The following MYL1 variants were observed in gnomAD, a reference collection of about 807,000 sequenced individuals.
The protein encoded by MYL1 is myosin light chain 1, also known as myosin light chain 1/3, skeletal muscle isoform.
Under a neutral mutation model 21.8 loss-of-function variants are expected in MYL1, and 16 were observed. That is an observed-to-expected ratio of 0.74 (90% CI 0.50 to 1.12). The LOEUF (loss-of-function observed/expected upper bound fraction) is 1.12. Among genes scored for constraint, MYL1 ranks in the 50% most tolerant of loss-of-function variants. The pLI, the probability that MYL1 is intolerant of heterozygous loss-of-function variation, is 0.00. For missense variants in MYL1, 246 were observed against 241.0 expected (o/e 1.02, Z -0.14); for synonymous variants, 99 against 85.2 (o/e 1.16, Z -0.89).
At chr2:210,296,043 G>GA (rs1434238668) in intron 3 of MYL1, among the ~76,000 whole-genome samples, 3 of 152,114 alleles carry the variant, frequency 2.0e-5, no homozygotes, top group Non-Finnish European at 4.4e-5. Flanking sequence ...TCAAGGGAAA[G>GA]AAAAAGATTA....
intron 1 of MYL1, among the ~76,000 whole-genome samples, chr2:210,308,293 A>G (rs1690367895): frequency 6.6e-6 from 1 of 151,290 alleles, no homozygotes; most frequent in African/African-American, 2.4e-5. Flanking sequence ...AGGCCAGGAA[A>G]AGCACTATTT....
chr2:210,310,356 A>G (rs986233860), intron 1 of MYL1, among the ~76,000 whole-genome samples: 5 of 152,046 alleles, frequency 3.3e-5, no homozygotes, highest in Non-Finnish European at 7.4e-5. Flanking sequence ...TCTGCATACC[A>G]TCCCAAAGAA....
chr2:210,306,109 G>C (rs1478376069), intron 1 of MYL1, among the ~76,000 whole-genome samples: 1 of 151,558 alleles, frequency 6.6e-6, no homozygotes, highest in Non-Finnish European at 1.5e-5. Flanking sequence ...TGCCAGGTGT[G>C]GTGGCTCATG....
At chr2:210,303,511 A>G in intron 1 of MYL1, 1 of 1,600,204 alleles carries the variant, frequency 6.2e-7, no homozygotes, top group Non-Finnish European at 8.5e-7. Context: ...TTTCTCCTAT[A>G]AATGACAAAT....
intron 1 of MYL1, among the ~76,000 whole-genome samples, chr2:210,303,177 A>G (rs1690290351): frequency 6.6e-6 from 1 of 152,214 alleles, no homozygotes; most frequent in South Asian, 2.1e-4. Flanking sequence ...CCAATGCATC[A>G]AAAGCAGTTT....
At chr2:210,294,131 T>G in intron 4 of MYL1, 114 bp downstream of exon 4, 2 of 1,131,238 alleles carry the variant, frequency 1.8e-6, no homozygotes, top group Non-Finnish European at 2.4e-6. Flanking sequence ...CTATTTTTTT[T>G]TCCCATTTTC....
At chr2:210,311,845 C>T (rs1413402133) in intron 1 of MYL1, among the ~76,000 whole-genome samples, 1 of 151,906 alleles carries the variant, frequency 6.6e-6, no homozygotes, top group Non-Finnish European at 1.5e-5. Flanking sequence ...GCAAAGAGTG[C>T]TTAGAACCAC....
At chr2:210,308,410 ATAT>A (rs1241597802) in intron 1 of MYL1, among the ~76,000 whole-genome samples, 4 of 48,318 alleles carry the variant, frequency 8.3e-5, no homozygotes, top group African/African-American at 2.1e-4. Flanking sequence ...ATATATATAT[ATAT>A]ATATATATAT....
In MYL1 at chr2:210,308,592, G is replaced by A. The variant is rs150458036; in HGVS notation, c.133-6077C>T. 3.5e-3 allele frequency among the ~76,000 whole-genome samples: 522 copies of A among 151,270 alleles called. 7 individuals carry two copies. The Middle Eastern group carries it at 0.051, about 15-fold the overall frequency. ...AAAATCCTTAATTTTGTGCTATGAA[G>A]TCCTAGATCAGTCAACTGAATTCAG... On this transcript the variant is annotated intron_variant, in intron 1 of 6. Transcript: ENST00000352451.
chr2:210,303,478 A>G lies in MYL1; in HGVS notation c.133-963T>C, dbSNP rs13025700. 0.092 allele frequency: 138,901 copies of G among 1,501,884 alleles called. 7,273 individuals are homozygous for G. The highest frequency in any genetic ancestry group is 0.12 in the Middle Eastern group (621 of 5,330). 93.0% of individuals were successfully genotyped at this position (1,501,884 alleles called of 1,614,324 possible). A position where few individuals can be genotyped will look rare whatever the true frequency, so the allele number is the denominator to read the frequency against. ...CCATTTTTGCCTATCTTTCTTCTCA[A>G]TAAGATCATATCCTCTATCTATTTT... On this transcript the variant is annotated intron_variant, in intron 1 of 6. Transcript: ENST00000352451.
At chr2:210,294,928 G>A (rs188575617) in intron 3 of MYL1, among the ~76,000 whole-genome samples, 1 of 152,050 alleles carries the variant, frequency 6.6e-6, no homozygotes, top group African/African-American at 2.4e-5. Context: ...TTTGTCCCCA[G>A]CTTTTTGAGG....
At chr2:210,307,993 G>A (rs919065008) in intron 1 of MYL1, among the ~76,000 whole-genome samples, 32 of 152,038 alleles carry the variant, frequency 2.1e-4, no homozygotes, top group African/African-American at 7.3e-4. Context: ...AAAGATAATT[G>A]GGGAGACATG....
intron 3 of MYL1, among the ~76,000 whole-genome samples, 163 bp from the exon 4 acceptor site, chr2:210,294,581 G>A (rs963921702): frequency 3.3e-5 from 5 of 152,128 alleles, no homozygotes; most frequent in African/African-American, 1.2e-4. Flanking sequence ...AATAGTTAAT[G>A]GCATGAGGTC....
Position 210,314,971 on chromosome 2 carries a change from A to T in MYL1, c.72T>A (p.Pro24=). Residue 24 remains proline (P), a synonymous_variant, in exon 1 of 7, where the codon CCT becomes CCA. Transcript: ENST00000352451. The part of the protein sequence containing the change: ...AAAAPAPAPA[P]APAPAPAKPK... ...GTTTGGCTGGGGCAGGGGCAGGTGC[A>T]GGTGCCGGTGCCGGGGCTGGGGCAG... The T allele has an allele frequency of 6.2e-7, 1 of 1,612,630 alleles. No individual in the cohort carries two copies. Among genetic ancestry groups the T allele is most frequent in the Non-Finnish European group, 8.5e-7 (1 of 1,179,356 alleles).
At chr2:210,293,926 C>A in intron 4 of MYL1, 126 bp from the exon 5 acceptor site, 2 of 800,312 alleles carry the variant, frequency 2.5e-6, no homozygotes, top group Non-Finnish European at 4.1e-6. Context: ...CTTTCCCATT[C>A]TTTTGGTACT....
intron 1 of MYL1, among the ~76,000 whole-genome samples, chr2:210,308,402 AT>A (rs1690370702): frequency 2.9e-5 from 1 of 34,572 alleles, no homozygotes; most frequent in South Asian, 1.2e-3. Flanking sequence ...TTAGGCTAAT[AT>A]ATATATATAT....
intron 1 of MYL1, among the ~76,000 whole-genome samples, chr2:210,313,676 T>C (rs1023281548): frequency 2.0e-5 from 3 of 152,062 alleles, no homozygotes; most frequent in Non-Finnish European, 4.4e-5. Flanking sequence ...AATTTACTTA[T>C]ACTTTAAACA....
chr2:210,302,416 C>A, intron 2 of MYL1, 72 bp downstream of exon 2: 1 of 1,434,290 alleles, frequency 7.0e-7, no homozygotes, highest in Non-Finnish European at 9.5e-7. Flanking sequence ...AAACTCATCC[C>A]AAGGGAGTTG....
Position 210,298,467 on chromosome 2 carries a change from G to A in MYL1, c.257C>T (p.Pro86Leu). The A allele has an allele frequency of 6.2e-7, 1 of 1,613,924 alleles. No individual in the cohort carries two copies. The highest frequency in any genetic ancestry group is 8.5e-7 in the Non-Finnish European group (1 of 1,179,974). ...AACTTTCCTGACCTCTGCATTGGTGGGATTTGTGCCCAGAGCTCGAAGGAC... is the reference window on the plus strand; with the variant it reads ...AACTTTCCTGACCTCTGCATTGGTGAGATTTGTGCCCAGAGCTCGAAGGAC... ...GDVLRALGTN[P>L]TNAEVRKVLG... Residue 86 changes from proline to leucine, a missense_variant, in exon 3 of 7, where the codon CCC becomes CTC. By Grantham distance (98) the Pro-to-Leu change is moderately conservative. Transcript: ENST00000352451.
Sources: allele counts gnomAD v4.1 joint callset (sites outside exome capture counted in the v4.1 genomes callset), GRCh38; gene constraint gnomAD v4.1.1; transcripts MANE v1.5; gene names NCBI Gene and HGNC (gene_info 2026-07-23, HGNC 2026-07-21).